MEI1: variants seen among roughly 807,000 people sequenced by gnomAD.
MEI1 encodes the protein meiosis inhibitor protein 1.
Under a neutral mutation model 146.2 loss-of-function variants are expected in MEI1, and 103 were observed. The observed-to-expected ratio is 0.70, with a 90% confidence interval of 0.60 to 0.83. The LOEUF (loss-of-function observed/expected upper bound fraction) is 0.83. MEI1 is among the 40% of genes least tolerant of loss of function. MEI1 has a pLI of 0.00. For synonymous variants in MEI1, 652 were observed against 628.2 expected, an observed-to-expected ratio of 1.04 and a Z score of -0.57; for missense variants, 1,529 against 1,533.0, an observed-to-expected ratio of 1.00 and a Z score of 0.04.
chr22:41,749,842 T>C (rs989537932), intron 15 of MEI1, among the ~76,000 whole-genome samples: 5 of 151,302 alleles, frequency 3.3e-5, no homozygotes, highest in Admixed American at 2.6e-4. Context: ...CTGGCTTCTA[T>C]GTGGATGGTG....
rs758470306 is a variant in MEI1 at position 41,794,365 on chromosome 22, T to A, written c.3428-6T>A. Reference sequence around the variant, plus strand: ...GGAAGCATTAACAACCCAGTGTTTCTTGAAGCTCTCCACGTGGCCTCCCAG... The same window carrying A: ...GGAAGCATTAACAACCCAGTGTTTCATGAAGCTCTCCACGTGGCCTCCCAG... On this transcript the variant is annotated splice_polypyrimidine_tract_variant and splice_region_variant and intron_variant, in intron 27 of 30. Coordinates refer to ENST00000401548, the MANE Select transcript of MEI1 (RefSeq NM_152513.4). 12 of 1,613,080 alleles carry A rather than the reference T, an allele frequency of 7.4e-6. No homozygotes were observed. The highest frequency in any genetic ancestry group is 1.0e-5 in the Non-Finnish European group (12 of 1,179,152).
chr22:41,740,416 G>C (rs990357601), intron 11 of MEI1, among the ~76,000 whole-genome samples: 1 of 152,152 alleles, frequency 6.6e-6, no homozygotes, highest in East Asian at 1.9e-4. Context: ...AGCACAACTA[G>C]AAGGAAGAAT....
chr22:41,758,632 C>A, intron 18 of MEI1, 99 bp downstream of exon 18: 1 of 1,223,770 alleles, frequency 8.2e-7, no homozygotes. Context: ...TGATGCTGGG[C>A]ACTGGGGACA....
chr22:41,745,292 G>A (rs1409110627), intron 13 of MEI1, among the ~76,000 whole-genome samples: 1 of 152,124 alleles, frequency 6.6e-6, no homozygotes, highest in Non-Finnish European at 1.5e-5. Flanking sequence ...TTTTGCTACT[G>A]TGCCATGAGG....
intron 11 of MEI1, among the ~76,000 whole-genome samples, chr22:41,741,219 G>C (rs2072836712): frequency 6.6e-6 from 1 of 152,186 alleles, no homozygotes; most frequent in Admixed American, 6.6e-5. Flanking sequence ...CTTTAGAGGG[G>C]ACATGGCCCT....
intron 19 of MEI1, among the ~76,000 whole-genome samples, chr22:41,763,817 A>G (rs542235174): frequency 1.3e-4 from 20 of 152,280 alleles, no homozygotes; most frequent in African/African-American, 4.3e-4. Context: ...GGAGGATGCT[A>G]TGCAACAAAC....
Position 41,795,988 on chromosome 22 carries a change from C to G in MEI1, c.3779+141C>G. On this transcript the variant is annotated intron_variant, in intron 30 of 30. Transcript: ENST00000401548. The surrounding 1 kb of genome is among the most constrained non-coding windows in gnomAD (Gnocchi z 4.2). ...GTGGGTGATGTTCTGCAAGGTGTGG[C>G]TTTGGCTGACCTGTCTTGGCCTGGG... The G allele has an allele frequency of 1.9e-6, 3 of 1,609,756 alleles. No homozygotes were observed. Among genetic ancestry groups the G allele is most frequent in the Non-Finnish European group, 2.5e-6 (3 of 1,177,868 alleles).
At chr22:41,778,558 A>G (rs946256451) in intron 21 of MEI1, 150 bp from the exon 22 acceptor site, 2 of 604,910 alleles carry the variant, frequency 3.3e-6, no homozygotes, top group Admixed American at 2.9e-5. Flanking sequence ...GAAGAAAGAA[A>G]TAGGAGTAAA....
chr22:41,739,299 T>C (rs2072660066), intron 11 of MEI1, among the ~76,000 whole-genome samples: 1 of 152,226 alleles, frequency 6.6e-6, no homozygotes, highest in Non-Finnish European at 1.5e-5. Flanking sequence ...TGCTATTTAA[T>C]ATTTTGTTTT....
At chr22:41,748,077 G>A in intron 14 of MEI1, 30 bp from the exon 15 acceptor site, 1 of 1,500,114 alleles carries the variant, frequency 6.7e-7, no homozygotes, top group South Asian at 1.1e-5. Context: ...AGTCCCCGTG[G>A]GCTGTGTTCT....
chr22:41,732,328 G>A lies in MEI1; in HGVS notation c.1180G>A (p.Ala394Thr), dbSNP rs747619026. ...ELHKQGLLLF[A>T]EILTRQPEEI... ...GCACAAGCAGGGCCTGCTGCTTTTC[G>A]CTGAAATCCTGACCCGGTGAGCAAA... Residue 394 changes from alanine (A) to threonine (T), a missense_variant, in exon 10 of 31, where the codon GCT (alanine) becomes ACT (threonine). Physicochemically the swap from Ala to Thr is moderately conservative, Grantham distance 58. Transcript: ENST00000401548. The A allele has an allele frequency of 1.1e-5, 17 of 1,612,598 alleles. No individual in the cohort carries two copies. Among genetic ancestry groups the A allele is most frequent in the East Asian group, 2.2e-5 (1 of 44,866 alleles).
chr22:41,731,306 G>A (rs2071841520), intron 9 of MEI1, among the ~76,000 whole-genome samples: 1 of 151,348 alleles, frequency 6.6e-6, no homozygotes, highest in African/African-American at 2.4e-5. Flanking sequence ...ACCCACCTTG[G>A]CCTCCCAAAG....
At position 41,778,663 on chromosome 22, in the gene MEI1, A is replaced by C. The variant is rs572900804; in HGVS notation, c.2711-45A>C. On this transcript the variant is annotated intron_variant, in intron 21 of 30. Coordinates refer to ENST00000401548, the MANE Select transcript of MEI1 (RefSeq NM_152513.4). ...GGGCAGGGTGTCTGACCTTCAGGTG[A>C]TCTGAGCATCAGGCTTCTTGCCCAG... 2.0e-6 allele frequency: 3 copies of C among 1,469,602 alleles called. No individual in the cohort carries two copies. In the African/African-American group the frequency reaches 4.2e-5, roughly 21 times the overall value. 91.0% of individuals were successfully genotyped at this position (1,469,602 alleles called of 1,614,324 possible).
intron 15 of MEI1, 84 bp from the exon 16 acceptor site, chr22:41,752,507 G>A: frequency 8.0e-7 from 1 of 1,246,906 alleles, no homozygotes. Context: ...TGAAACCAGA[G>A]CTTTTTGATA....
chr22:41,754,402 A>G (rs1320963853), intron 17 of MEI1, among the ~76,000 whole-genome samples: 1 of 150,286 alleles, frequency 6.7e-6, no homozygotes, highest in African/African-American at 2.5e-5. Flanking sequence ...TCATTCATTC[A>G]AGTAGTGTTT....
chr22:41,709,992 A>G (rs1282370556), intron 3 of MEI1, among the ~76,000 whole-genome samples: 3 of 151,764 alleles, frequency 2.0e-5, no homozygotes, highest in Admixed American at 6.6e-5. Context: ...CGGCAAATTT[A>G]TATGTGGAAG....
chr22:41,739,724 C>T (rs2072695673), intron 11 of MEI1, among the ~76,000 whole-genome samples: 2 of 152,058 alleles, frequency 1.3e-5, no homozygotes, highest in African/African-American at 2.4e-5. Context: ...CAATCAGAGG[C>T]ATCTATGCTG....
intron 21 of MEI1, among the ~76,000 whole-genome samples, chr22:41,777,029 G>A (rs2075476518): frequency 6.6e-6 from 1 of 151,812 alleles, no homozygotes. Flanking sequence ...GTTGCCCAGG[G>A]TGGTCTCAAA....
chr22:41,760,153 CAAA>C (rs2074380740), intron 18 of MEI1, among the ~76,000 whole-genome samples: 1 of 151,182 alleles, frequency 6.6e-6, no homozygotes, highest in Admixed American at 6.6e-5. Context: ...ACTAAAAATA[CAAA>C]AAAATTAGCC....
Sources: allele counts gnomAD v4.1 joint callset (sites outside exome capture counted in the v4.1 genomes callset), GRCh38; gene constraint gnomAD v4.1.1; non-coding constraint Gnocchi (gnomAD v3.1); transcripts MANE v1.5; gene names NCBI Gene and HGNC (gene_info 2026-07-23, HGNC 2026-07-21).